ELMO1: variants seen among roughly 807,000 people sequenced by gnomAD.
The protein encoded by ELMO1 is engulfment and cell motility protein 1.
In ELMO1, 26 loss-of-function variants were observed where a neutral mutation model predicts 98.9. The ratio of observed to expected loss-of-function variants is 0.26; its 90% confidence interval spans 0.19 to 0.36. ELMO1 has a LOEUF of 0.36. Ranked by LOEUF, ELMO1 falls within the 10% of genes least tolerant of loss-of-function variation. ELMO1 has a pLI of 1.00. For missense variants in ELMO1, 627 were observed against 935.2 expected, an observed-to-expected ratio of 0.67 and a Z score of 4.30; for synonymous variants, 346 against 346.0, an observed-to-expected ratio of 1.00 and a Z score of 0.00.
rs191415678 is a variant in ELMO1, at chr7:36,987,099, G to C, written c.1437+26200C>G. 4.3e-3 allele frequency among the ~76,000 whole-genome samples: 652 copies of C among 152,304 alleles called. 11 individuals carry two copies. The highest frequency in any genetic ancestry group is 0.015 in the African/African-American group (620 of 41,560). On this transcript the variant is annotated intron_variant, in intron 16 of 21. Transcript: ENST00000310758. ...ACACTGGCGGCTTGTGGAAGATTTT[G>C]TAAGTACGGAGTGTTCAGGCCCAGC... is the stretch of plus-strand genomic sequence containing the variant.
intron 4 of ELMO1, among the ~76,000 whole-genome samples, chr7:37,306,634 G>C (rs1313996707): frequency 6.6e-6 from 1 of 152,188 alleles, no homozygotes; most frequent in Non-Finnish European, 1.5e-5. Flanking sequence ...CCTTAGCCTT[G>C]AACTACAGAA....
intron 1 of ELMO1, among the ~76,000 whole-genome samples, chr7:37,362,217 GAT>G (rs34013669): frequency 1.8e-4 from 16 of 89,692 alleles, no homozygotes; most frequent in East Asian, 1.1e-3. Flanking sequence ...AAATGTATAT[GAT>G]ATATATATAT....
chr7:37,134,154 A>G (rs1787107744), intron 13 of ELMO1, among the ~76,000 whole-genome samples: 1 of 152,202 alleles, frequency 6.6e-6, no homozygotes, highest in African/African-American at 2.4e-5. Flanking sequence ...AAATGCTTAT[A>G]TACTGTTGAT....
intron 16 of ELMO1, among the ~76,000 whole-genome samples, chr7:37,012,300 G>A (rs1039126718): frequency 1.3e-5 from 2 of 152,196 alleles, no homozygotes; most frequent in African/African-American, 4.8e-5. Flanking sequence ...TATATCCAGG[G>A]AGAAGGTGAC....
At chr7:36,951,925 T>A (rs891404333) in intron 16 of ELMO1, among the ~76,000 whole-genome samples, 1 of 152,106 alleles carries the variant, frequency 6.6e-6, no homozygotes, top group East Asian at 1.9e-4. Context: ...TACTGAAGAA[T>A]GATTAAATGA....
chr7:37,129,095 T>G (rs575124324), intron 14 of ELMO1, among the ~76,000 whole-genome samples: 1 of 151,896 alleles, frequency 6.6e-6, no homozygotes, highest in South Asian at 2.1e-4. Flanking sequence ...GACACAGTGG[T>G]AGAGACTTGC....
At chr7:37,296,009 TAC>T (rs1798010515) in intron 4 of ELMO1, among the ~76,000 whole-genome samples, 2 of 152,218 alleles carry the variant, frequency 1.3e-5, no homozygotes, top group South Asian at 4.1e-4. Context: ...TATAACAAAT[TAC>T]CAGAAATCTA....
chr7:37,201,109 T>G (rs1792268869), intron 13 of ELMO1, among the ~76,000 whole-genome samples: 1 of 152,026 alleles, frequency 6.6e-6, no homozygotes, highest in African/African-American at 2.4e-5. Context: ...GCTCCAGAAA[T>G]GGCTACTGTT....
At chr7:37,114,031 A>G (rs964212855) in intron 14 of ELMO1, among the ~76,000 whole-genome samples, 10 of 152,202 alleles carry the variant, frequency 6.6e-5, no homozygotes, top group Non-Finnish European at 1.3e-4. Context: ...GAGTTGAGGG[A>G]GGAAGGAGTA....
intron 14 of ELMO1, 55 bp downstream of exon 14, chr7:37,133,075 G>T (rs1787036489): frequency 7.1e-7 from 1 of 1,412,388 alleles, no homozygotes; most frequent in Admixed American, 2.1e-5. Flanking sequence ...TTGTGAGTTT[G>T]AAATTAACAT....
intron 15 of ELMO1, chr7:37,033,234 G>A (rs997604321): frequency 8.1e-6 from 3 of 370,694 alleles, no homozygotes; most frequent in African/African-American, 2.1e-5. Context: ...AACGGAGCAG[G>A]AGGAGCGCAG....
chr7:37,281,306 C>T (rs1797129427), intron 4 of ELMO1, among the ~76,000 whole-genome samples: 1 of 151,872 alleles, frequency 6.6e-6, no homozygotes, highest in South Asian at 2.1e-4. Flanking sequence ...GATGTGTACA[C>T]CAAAATCTCA....
chr7:37,146,528 C>T (rs1007242017), intron 13 of ELMO1, among the ~76,000 whole-genome samples: 1 of 152,008 alleles, frequency 6.6e-6, no homozygotes, highest in African/African-American at 2.4e-5. Flanking sequence ...TTGACATGGG[C>T]CCCACCACTC....
chr7:37,132,961 G>T, intron 14 of ELMO1, 169 bp downstream of exon 14: 1 of 436,212 alleles, frequency 2.3e-6, no homozygotes, highest in Non-Finnish European at 4.0e-6. Context: ...CCTCATTTCA[G>T]TCCCCTGATT....
At chr7:37,373,154 G>T (rs1030941372) in intron 1 of ELMO1, among the ~76,000 whole-genome samples, 3 of 152,210 alleles carry the variant, frequency 2.0e-5, no homozygotes, top group Non-Finnish European at 4.4e-5. Flanking sequence ...CACTGAAGAC[G>T]GCGCTAGCAG....
chr7:36,856,771 G>A (rs960299454), intron 21 of ELMO1, among the ~76,000 whole-genome samples: 3 of 152,196 alleles, frequency 2.0e-5, no homozygotes, highest in African/African-American at 4.8e-5. Context: ...CTCCACTCAT[G>A]CACTGGAGTT....
At chr7:37,410,187 T>C (rs577365274) in intron 1 of ELMO1, among the ~76,000 whole-genome samples, 1 of 152,220 alleles carries the variant, frequency 6.6e-6, no homozygotes, top group Non-Finnish European at 1.5e-5. Context: ...GATTATTTTA[T>C]GTAATTGACA....
chr7:37,418,839 G>A (rs1583725362), intron 1 of ELMO1, among the ~76,000 whole-genome samples: 3 of 152,308 alleles, frequency 2.0e-5, no homozygotes, highest in Non-Finnish European at 4.4e-5. Flanking sequence ...CAGTGAAGGG[G>A]CAGTGAGGCG....
At chr7:37,373,170 G>A (rs753090199) in intron 1 of ELMO1, among the ~76,000 whole-genome samples, 4 of 152,176 alleles carry the variant, frequency 2.6e-5, no homozygotes, top group Admixed American at 1.3e-4. Flanking sequence ...AGCAGAGGTC[G>A]GTTCTGGGAA....
Sources: gnomAD v4.1 joint callset for allele counts (sites outside exome capture counted in the v4.1 genomes callset) on GRCh38, gnomAD v4.1.1 for gene constraint, MANE v1.5 for transcripts, NCBI Gene and HGNC (gene_info 2026-07-23, HGNC 2026-07-21) for gene names.